Variants in ITGA11 observed in about 807,000 individuals in gnomAD.
ITGA11 encodes the protein integrin subunit alpha 11, also known as integrin alpha-11.
Under a neutral mutation model 141.9 loss-of-function variants are expected in ITGA11, and 97 were observed. That is an observed-to-expected ratio of 0.68 (90% confidence interval 0.58 to 0.81). The LOEUF is 0.81. Ranked by LOEUF, ITGA11 falls within the 30% of genes least tolerant of loss-of-function variation. The probability of loss-of-function intolerance (pLI) is 0.00; values close to 1 mark genes in which losing one functional copy is unlikely to be tolerated. For synonymous variants in ITGA11, 658 were observed against 624.6 expected (o/e 1.05, Z -0.80); for missense variants, 1,387 against 1,559.2 (o/e 0.89, Z 1.86).
chr15:68,426,786 A>G (rs1372192627), intron 1 of ITGA11, among the ~76,000 whole-genome samples: 1 of 152,088 alleles, frequency 6.6e-6, no homozygotes, highest in Non-Finnish European at 1.5e-5. Flanking sequence ...AGGCCAAGGC[A>G]GGCAGATCAC....
chr15:68,400,197 A>G (rs911571144), intron 2 of ITGA11, among the ~76,000 whole-genome samples: 6 of 152,102 alleles, frequency 3.9e-5, no homozygotes, highest in Non-Finnish European at 7.4e-5. Context: ...TGCCAGATCA[A>G]CTGGCCATCC....
intron 2 of ITGA11, among the ~76,000 whole-genome samples, chr15:68,370,482 C>A (rs1036846235): frequency 2.6e-5 from 4 of 152,184 alleles, no homozygotes; most frequent in Non-Finnish European, 5.9e-5. Context: ...AGCCCCATCA[C>A]GGGGGCCCAG....
intron 2 of ITGA11, among the ~76,000 whole-genome samples, chr15:68,391,222 C>T (rs1199246338): frequency 2.0e-5 from 3 of 152,154 alleles, no homozygotes; most frequent in Admixed American, 6.5e-5. Context: ...CCCAAGGCCA[C>T]CCTCTCTGTT....
At chr15:68,327,756 G>GTCTGCCTCTTCC (rs11274413) in intron 16 of ITGA11, among the ~76,000 whole-genome samples, 115,911 of 151,796 alleles carry the variant, frequency 0.76, 45,047 homozygotes, top group East Asian at 0.9. Flanking sequence ...GGACTCCTGG[G>GTCTGCCTCTTCC]TCTGCATCCA....
chr15:68,351,125 A>C (rs745763323), intron 8 of ITGA11, 133 bp downstream of exon 8: 63 of 931,736 alleles, frequency 6.8e-5, no homozygotes, highest in Non-Finnish European at 8.7e-5. Context: ...TGTTCAGAAG[A>C]TGAAATGGGA....
At chr15:68,382,722 A>G (rs962398305) in intron 2 of ITGA11, among the ~76,000 whole-genome samples, 2 of 151,068 alleles carry the variant, frequency 1.3e-5, no homozygotes, top group East Asian at 3.9e-4. Flanking sequence ...TCCAGTTTCC[A>G]TTTTTCTTGA....
At chr15:68,421,595 A>G (rs1004578198) in intron 1 of ITGA11, among the ~76,000 whole-genome samples, 12 of 151,234 alleles carry the variant, frequency 7.9e-5, no homozygotes, top group African/African-American at 2.9e-4. Flanking sequence ...CTGTCCCCTG[A>G]CCCCTCGTGT....
At chr15:68,426,964 G>A (rs768031791) in intron 1 of ITGA11, among the ~76,000 whole-genome samples, 19 of 135,944 alleles carry the variant, frequency 1.4e-4, no homozygotes, top group South Asian at 2.5e-4. Context: ...GCAATGAGCC[G>A]AGATCATGCC....
chr15:68,402,602 G>T (rs1896536951), intron 2 of ITGA11, among the ~76,000 whole-genome samples: 1 of 152,190 alleles, frequency 6.6e-6, no homozygotes, highest in Admixed American at 6.5e-5. Context: ...AGCTCTCCAG[G>T]TAGACATGAC....
chr15:68,356,262 A>ATT (rs34903160), intron 7 of ITGA11, among the ~76,000 whole-genome samples: 6 of 147,696 alleles, frequency 4.1e-5, no homozygotes, highest in African/African-American at 1.2e-4. Context: ...TGCCCGGCTA[A>ATT]TTTGTTTTTT....
chr15:68,339,824 ACTTT>A (rs1268287310), intron 10 of ITGA11, among the ~76,000 whole-genome samples, 180 bp from the exon 11 acceptor site: 1 of 152,170 alleles, frequency 6.6e-6, no homozygotes, highest in Non-Finnish European at 1.5e-5. Context: ...AGCCAAGGAG[ACTTT>A]CTTGCCCCAT....
Position 68,308,577 on chromosome 15 carries a change from T to C in ITGA11, c.3175-881A>G, listed in dbSNP as rs1343370671. Among the ~76,000 whole-genome samples, 1 of 151,838 alleles carries C rather than the reference T, an allele frequency of 6.6e-6. No homozygotes were observed. The highest frequency in any genetic ancestry group is 1.5e-5 in the Non-Finnish European group (1 of 67,966). On this transcript the variant is annotated intron_variant, in intron 26 of 29. Transcript: ENST00000315757. This position sits in a 1 kb window ranked among gnomAD's most constrained non-coding sequence, Gnocchi z 5.2. ...TAACACAGTGAAACCCCGTCTCTAT[T>C]AAAAAAATACAAAAAATTAGCCAGC... is the stretch of plus-strand genomic sequence containing the variant.
intron 10 of ITGA11, among the ~76,000 whole-genome samples, chr15:68,343,116 C>T (rs1014012635): frequency 1.3e-5 from 2 of 151,966 alleles, no homozygotes; most frequent in African/African-American, 4.8e-5. Flanking sequence ...GGGCACTTGG[C>T]AGCCAGTGAG....
At position 68,302,979 on chromosome 15, in the gene ITGA11, G is replaced by A. The variant is rs1259561606; in HGVS notation, c.*80C>T. 23 of 1,192,502 alleles carry A rather than the reference G, an allele frequency of 1.9e-5. No homozygotes were observed. The highest frequency in any genetic ancestry group is 2.8e-4 in the Middle Eastern group (1 of 3,606). 73.9% of individuals were successfully genotyped at this position (1,192,502 alleles called of 1,614,324 possible). ...GCTGGCTTCCTCTCCGCTCCAGCTC[G>A]GTGGGGCCACAGGCCTGGGTCTCAA... On this transcript the variant is annotated 3_prime_UTR_variant, in exon 30 of 30. Transcript: ENST00000315757.
intron 2 of ITGA11, among the ~76,000 whole-genome samples, chr15:68,388,766 C>T (rs1229466565): frequency 6.6e-6 from 1 of 152,148 alleles, no homozygotes; most frequent in African/African-American, 2.4e-5. Flanking sequence ...AGGGTCTCCT[C>T]CCTCGATTCC....
Position 68,402,456 on chromosome 15 carries a change from G to T in ITGA11, c.164+462C>A, listed in dbSNP as rs188848564. Among the ~76,000 whole-genome samples the T allele has an allele frequency of 2.5e-3, 373 of 152,164 alleles. 1 individual carries two copies. Among genetic ancestry groups the T allele is most frequent in the South Asian group, 0.011 (51 of 4,820 alleles). On this transcript the variant is annotated intron_variant, in intron 2 of 29. Transcript: ENST00000315757. ...TCCTTTCTTCCTCCTGATTGCCCCT[G>T]CTCTGGAGGGCTCTTGGGGATCTTT... is the stretch of plus-strand genomic sequence containing the variant.
rs141749560 is a variant in ITGA11, at chr15:68,313,792, C to T, written c.2869G>A (p.Val957Ile). 257 of 1,613,824 alleles carry T rather than the reference C, an allele frequency of 1.6e-4. No homozygotes were observed. The East Asian group carries it at 3.6e-3, about 22-fold the overall frequency. ...AGCCCGGCCCACCTGGTGAAGAGGACGTCAGCCTCGTATTTGAGGTGGAAG... is the reference window on the plus strand; with the variant it reads ...AGCCCGGCCCACCTGGTGAAGAGGATGTCAGCCTCGTATTTGAGGTGGAAG... Reference protein sequence around the residue: ...LRFHLKYEADVLFTRSSSLSH... With the variant: ...LRFHLKYEADILFTRSSSLSH... The change falls in exon 23 of 30, where the codon GTC becomes ATC. Residue 957 changes from valine to isoleucine, a missense_variant. Coordinates refer to ENST00000315757, the MANE Select transcript of ITGA11 (RefSeq NM_001004439.2).
At chr15:68,366,845 T>C (rs992016514) in intron 3 of ITGA11, among the ~76,000 whole-genome samples, 3 of 152,178 alleles carry the variant, frequency 2.0e-5, no homozygotes, top group Non-Finnish European at 4.4e-5. Flanking sequence ...TATCCAGGTG[T>C]TGGAAGGACA....
rs1174710315 is a variant in ITGA11 at position 68,322,462 on chromosome 15, G to A, written c.2323-959C>T. On this transcript the variant is annotated intron_variant, in intron 18 of 29. Coordinates refer to ENST00000315757, the MANE Select transcript of ITGA11 (RefSeq NM_001004439.2). This position sits in a 1 kb window ranked among gnomAD's most constrained non-coding sequence, Gnocchi z 5.6. ...GAAATAGGTTAGTGACCCCAGAGGC[G>A]GGATCAATAGGAACCTGGAGGTTGT... Among the ~76,000 whole-genome samples the A allele has an allele frequency of 1.3e-5, 2 of 152,118 alleles. No individual in the cohort carries two copies. Among genetic ancestry groups the A allele is most frequent in the African/African-American group, 2.4e-5 (1 of 41,412 alleles).
Sources: gnomAD v4.1 joint callset for allele counts (sites outside exome capture counted in the v4.1 genomes callset) on GRCh38, gnomAD v4.1.1 for gene constraint, Gnocchi (gnomAD v3.1) non-coding constraint, MANE v1.5 for transcripts, NCBI Gene and HGNC (gene_info 2026-07-23, HGNC 2026-07-21) for gene names.